ADAM19: variants seen among roughly 807,000 people sequenced by gnomAD.
The protein encoded by ADAM19 is disintegrin and metalloproteinase domain-containing protein 19.
In ADAM19, 65 loss-of-function variants were observed where a neutral mutation model predicts 114.7. The observed-to-expected ratio is 0.57, with a 90% CI of 0.46 to 0.70. ADAM19 has a LOEUF of 0.70. ADAM19 is among the 30% of genes least tolerant of loss of function. The pLI, the probability that ADAM19 is intolerant of heterozygous loss-of-function variation, is 0.00. For synonymous variants in ADAM19, 466 were observed against 460.5 expected, an observed-to-expected ratio of 1.01 and a Z score of -0.15; for missense variants, 1,063 against 1,204.7, an observed-to-expected ratio of 0.88 and a Z score of 1.74.
intron 4 of ADAM19, among the ~76,000 whole-genome samples, chr5:157,532,492 G>A (rs1263034407): frequency 6.6e-6 from 1 of 152,146 alleles, no homozygotes; most frequent in Non-Finnish European, 1.5e-5. Context: ...GGTGTCCAAC[G>A]AATCAGGGGT....
Position 157,499,670 on chromosome 5 carries a change from G to A in ADAM19, c.1309-8C>T. The A allele has an allele frequency of 6.3e-7, 1 of 1,599,844 alleles. No homozygotes were observed. The highest frequency in any genetic ancestry group is 8.5e-7 in the Non-Finnish European group (1 of 1,172,258). On this transcript the variant is annotated splice_region_variant and splice_polypyrimidine_tract_variant and intron_variant, in intron 12 of 22. Transcript: ENST00000257527. Reference sequence around the variant, plus strand: ...GCAGGGGTTGTTACATTCCTGGGGAGGCAGTGGGGTGGGTGTGAGTGGGGG... The same window carrying A: ...GCAGGGGTTGTTACATTCCTGGGGAAGCAGTGGGGTGGGTGTGAGTGGGGG...
chr5:157,556,687 C>A (rs904683713), intron 3 of ADAM19, among the ~76,000 whole-genome samples: 6 of 152,178 alleles, frequency 3.9e-5, no homozygotes, highest in Non-Finnish European at 8.8e-5. Flanking sequence ...TAGTAAGAGG[C>A]AGGCAGGCCA....
intron 13 of ADAM19, among the ~76,000 whole-genome samples, chr5:157,497,786 C>T (rs1755412827): frequency 6.6e-6 from 1 of 152,230 alleles, no homozygotes. Flanking sequence ...CAACAGCACA[C>T]CTGGGGCAAA....
At chr5:157,484,576 T>C (rs1249252137) in intron 21 of ADAM19, among the ~76,000 whole-genome samples, 3 of 152,066 alleles carry the variant, frequency 2.0e-5, no homozygotes, top group Admixed American at 6.5e-5. Context: ...GGCAAGCACA[T>C]AGAGAGGGCA....
At chr5:157,502,246 C>T (rs763323672) in intron 12 of ADAM19, among the ~76,000 whole-genome samples, 9 of 152,146 alleles carry the variant, frequency 5.9e-5, no homozygotes, top group South Asian at 4.1e-4. Context: ...TAAAAATGAC[C>T]GGGCTCTGCC....
chr5:157,539,281 G>C (rs1756851048), intron 3 of ADAM19, among the ~76,000 whole-genome samples: 1 of 152,130 alleles, frequency 6.6e-6, no homozygotes, highest in Admixed American at 6.5e-5. Context: ...TAAATTAACT[G>C]TCAGAGAGGT....
At chr5:157,494,993 C>CT (rs896717013) in intron 14 of ADAM19, among the ~76,000 whole-genome samples, 198 bp from the exon 15 acceptor site, 25 of 149,132 alleles carry the variant, frequency 1.7e-4, no homozygotes, top group African/African-American at 3.4e-4. Context: ...TATATAAATC[C>CT]TTTTTTTTTT....
rs1754716884 is a variant in ADAM19, at chr5:157,480,607, C to T, written c.*342G>A. ...ATGGCTTCTGCAAGCGAAGTGCTGG[C>T]CTGAGGGGCTTGCTGGCCTTGAGCA... On this transcript the variant is annotated 3_prime_UTR_variant, in exon 23 of 23. Transcript: ENST00000257527. 6 of 1,135,178 alleles carry T rather than the reference C, an allele frequency of 5.3e-6. No homozygotes were observed. The highest frequency in any genetic ancestry group is 6.5e-6 in the Non-Finnish European group (6 of 921,678). The allele number at this position is 1,135,178 out of a possible 1,614,324, so 70.3% of individuals were successfully genotyped here.
intron 3 of ADAM19, among the ~76,000 whole-genome samples, chr5:157,550,317 A>T (rs6863341): frequency 0.23 from 35,582 of 152,006 alleles, 4,203 homozygotes; most frequent in South Asian, 0.37. Flanking sequence ...TAATCTTCAC[A>T]TGGCATTCTC....
At chr5:157,548,010 C>T (rs369468193) in intron 3 of ADAM19, among the ~76,000 whole-genome samples, 11 of 152,334 alleles carry the variant, frequency 7.2e-5, no homozygotes, top group African/African-American at 2.2e-4. Context: ...CTTCCTCCTG[C>T]TCTCTGTTCT....
At chr5:157,541,727 T>A (rs745389350) in intron 3 of ADAM19, among the ~76,000 whole-genome samples, 2 of 152,126 alleles carry the variant, frequency 1.3e-5, no homozygotes, top group Non-Finnish European at 2.9e-5. Flanking sequence ...AGCTTCAAAC[T>A]CAGGACAATT....
chr5:157,511,485 A>G (rs1755919664), intron 8 of ADAM19, among the ~76,000 whole-genome samples: 1 of 152,202 alleles, frequency 6.6e-6, no homozygotes, highest in African/African-American at 2.4e-5. Context: ...ACTCGCTCCA[A>G]GAAACGCTGG....
intron 13 of ADAM19, among the ~76,000 whole-genome samples, chr5:157,498,437 C>T (rs1755435331): frequency 6.6e-6 from 1 of 152,218 alleles, no homozygotes; most frequent in South Asian, 2.1e-4. Context: ...CCTGTGTGTG[C>T]TCACTCACCC....
At chr5:157,564,022 C>T (rs1757584804) in intron 3 of ADAM19, among the ~76,000 whole-genome samples, 1 of 152,218 alleles carries the variant, frequency 6.6e-6, no homozygotes, top group Non-Finnish European at 1.5e-5. Flanking sequence ...CCTTCATTTC[C>T]TGCCACACAC....
intron 7 of ADAM19, among the ~76,000 whole-genome samples, chr5:157,515,365 T>C (rs550389716): frequency 6.6e-6 from 1 of 152,350 alleles, no homozygotes; most frequent in South Asian, 2.1e-4. Context: ...TTCAAAGAAC[T>C]GCCCAATGAG....
intron 3 of ADAM19, among the ~76,000 whole-genome samples, chr5:157,544,924 G>A (rs535356202): frequency 4.6e-5 from 7 of 152,242 alleles, no homozygotes; most frequent in South Asian, 2.1e-4. Context: ...AAAGAAAAAC[G>A]GTGTGGATAA....
chr5:157,492,041 C>T (rs1430443053), intron 16 of ADAM19, 129 bp from the exon 17 acceptor site: 1 of 803,650 alleles, frequency 1.2e-6, no homozygotes, highest in African/African-American at 1.7e-5. Context: ...CCTGTAATCC[C>T]AGCACTTTGG....
At chr5:157,560,620 T>G (rs996486313) in intron 3 of ADAM19, among the ~76,000 whole-genome samples, 2 of 152,242 alleles carry the variant, frequency 1.3e-5, no homozygotes, top group Non-Finnish European at 2.9e-5. Context: ...ATGTCTGACA[T>G]AATCTCATTT....
intron 7 of ADAM19, among the ~76,000 whole-genome samples, chr5:157,515,585 T>C (rs905315111): frequency 2.6e-5 from 4 of 152,226 alleles, no homozygotes; most frequent in Non-Finnish European, 5.9e-5. Flanking sequence ...GGCCTGGCTG[T>C]GTTCCAGTAA....
Sources: gnomAD v4.1 joint callset for allele counts (sites outside exome capture counted in the v4.1 genomes callset) on GRCh38, gnomAD v4.1.1 for gene constraint, MANE v1.5 for transcripts, NCBI Gene and HGNC (gene_info 2026-07-23, HGNC 2026-07-21) for gene names.